The following POLQ variants were observed in gnomAD, a reference collection of about 807,000 sequenced individuals.
POLQ encodes epididymis secretory sperm binding protein.
Under a neutral mutation model 259.2 loss-of-function variants are expected in POLQ, and 233 were observed. The ratio of observed to expected loss-of-function variants is 0.90; its 90% CI spans 0.81 to 1.00. The LOEUF is 1.00. POLQ is among the 50% of genes least tolerant of loss of function. The pLI is 0.00. For synonymous variants in POLQ, 1,025 were observed against 1,048.8 expected (o/e 0.98, Z 0.44); for missense variants, 2,871 against 3,051.6 (o/e 0.94, Z 1.39).
intron 15 of POLQ, among the ~76,000 whole-genome samples, chr3:121,492,231 T>A (rs2048074327): frequency 1.3e-5 from 2 of 152,168 alleles, no homozygotes. Context: ...TAAAACAAAT[T>A]GTTTAATACC....
chr3:121,442,233 C>A (rs1299572088), intron 26 of POLQ, among the ~76,000 whole-genome samples: 1 of 152,110 alleles, frequency 6.6e-6, no homozygotes, highest in African/African-American at 2.4e-5. Flanking sequence ...GCATGCAATG[C>A]ATAATAATCA....
intron 6 of POLQ, among the ~76,000 whole-genome samples, chr3:121,532,033 C>G (rs2048415110): frequency 1.3e-5 from 2 of 152,150 alleles, no homozygotes; most frequent in Non-Finnish European, 2.9e-5. Flanking sequence ...TGAGTCAGTT[C>G]TTTAACCTCA....
At position 121,466,024 on chromosome 3, in the gene POLQ, T is replaced by G. The variant is rs1301972157; in HGVS notation, c.6967+1495A>C. Among the ~76,000 whole-genome samples the G allele has an allele frequency of 2.6e-5, 4 of 152,130 alleles. No homozygotes were observed. In the East Asian group the frequency reaches 7.7e-4, roughly 29 times the overall value. On this transcript the variant is annotated intron_variant, in intron 24 of 29. Coordinates refer to ENST00000264233, the MANE Select transcript of POLQ (RefSeq NM_199420.4). Reference sequence around the variant, plus strand: ...GCCATACAGTTAGCCAAGTTGTGAATGCAAAGGAAAAGTTCTTGAAGGAAA... The same window carrying G: ...GCCATACAGTTAGCCAAGTTGTGAAGGCAAAGGAAAAGTTCTTGAAGGAAA...
chr3:121,543,405 C>T (rs1217799452), intron 2 of POLQ, among the ~76,000 whole-genome samples: 1 of 152,224 alleles, frequency 6.6e-6, no homozygotes, highest in Admixed American at 6.5e-5. Flanking sequence ...CCGAGGCACA[C>T]ATACTCACAA....
intron 28 of POLQ, among the ~76,000 whole-genome samples, chr3:121,435,055 T>C (rs560676402): frequency 1.2e-4 from 18 of 152,214 alleles, no homozygotes; most frequent in African/African-American, 4.1e-4. Flanking sequence ...TCCCAGCTAC[T>C]CAGGAAGCTG....
intron 7 of POLQ, among the ~76,000 whole-genome samples, chr3:121,526,994 C>A (rs2048378292): frequency 1.3e-5 from 2 of 152,116 alleles, no homozygotes; most frequent in Non-Finnish European, 2.9e-5. Context: ...CCCTTTACCT[C>A]CCAGGCTCAA....
chr3:121,511,568 G>T (rs1463588381), intron 10 of POLQ, among the ~76,000 whole-genome samples: 2 of 152,032 alleles, frequency 1.3e-5, no homozygotes, highest in Non-Finnish European at 2.9e-5. Flanking sequence ...TCACCTGAAG[G>T]CTGGTTCAAG....
At chr3:121,506,087 A>G (rs1014276953) in intron 12 of POLQ, among the ~76,000 whole-genome samples, 2 of 151,802 alleles carry the variant, frequency 1.3e-5, no homozygotes, top group Non-Finnish European at 2.9e-5. Context: ...AATGTGGGTG[A>G]ATTCCTTAAT....
rs552322273 is a variant in POLQ, at chr3:121,499,388, G to A, written c.1960-718C>T. Among the ~76,000 whole-genome samples the A allele has an allele frequency of 3.3e-5, 5 of 152,054 alleles. No individual in the cohort carries two copies. The East Asian group carries it at 9.7e-4, about 29-fold the overall frequency. ...CCAAGTCAGCCTCCCAAGTAGCTGG[G>A]GCTACAAGGTGAGTGCCACCACGTC... On this transcript the variant is annotated intron_variant, in intron 12 of 29. Transcript: ENST00000264233.
rs571794703 is a variant in POLQ, at chr3:121,511,809, G to C, written c.1611+78C>G. 24 of 1,116,554 alleles carry C rather than the reference G, an allele frequency of 2.1e-5. No homozygotes were observed. In the Admixed American group the frequency reaches 5.4e-4, roughly 25 times the overall value. The allele number at this position is 1,116,554 out of a possible 1,614,324, so 69.2% of individuals were successfully genotyped here. On this transcript the variant is annotated intron_variant, in intron 10 of 29. Coordinates refer to ENST00000264233, the MANE Select transcript of POLQ (RefSeq NM_199420.4). ...AAATTAAAAAAAATAAATAAATAAA[G>C]CTAAGATTTTCATATACTAACATTT...
At chr3:121,455,569 A>G (rs2047727475) in intron 25 of POLQ, among the ~76,000 whole-genome samples, 1 of 152,178 alleles carries the variant, frequency 6.6e-6, no homozygotes, top group African/African-American at 2.4e-5. Context: ...CCGATCCCAC[A>G]GAAATACAAA....
intron 24 of POLQ, among the ~76,000 whole-genome samples, chr3:121,461,070 A>T (rs1420731690): frequency 6.6e-6 from 1 of 152,222 alleles, no homozygotes; most frequent in East Asian, 1.9e-4. Flanking sequence ...GAGAAATAAA[A>T]AATCTATGGC....
intron 25 of POLQ, among the ~76,000 whole-genome samples, chr3:121,459,520 T>C (rs1302833675): frequency 6.6e-6 from 1 of 152,012 alleles, no homozygotes; most frequent in African/African-American, 2.4e-5. Flanking sequence ...TAGCTGGGAC[T>C]ACAGGCACCC....
At chr3:121,509,140 T>G (rs2048232622) in intron 12 of POLQ, among the ~76,000 whole-genome samples, 1 of 152,188 alleles carries the variant, frequency 6.6e-6, no homozygotes. Context: ...GCTTTCCTCT[T>G]TCTTTTAGTT....
At position 121,489,100 on chromosome 3, in the gene POLQ, T is replaced by G. The variant is rs200189836; in HGVS notation, c.3831A>C (p.Lys1277Asn). The G allele has an allele frequency of 8.9e-5, 143 of 1,613,924 alleles. No homozygotes were observed. The highest frequency in any genetic ancestry group is 2.2e-4 in the Admixed American group (13 of 60,024). ...EVLPSAGAFS[K>N]SEGQHENFLN... is the part of the protein sequence containing the mutation. ...GAAAATTCTCATGCTGGCCTTCTGA[T>G]TTGCTAAATGCTCCAGCTGATGGAA... The change falls in exon 16 of 30, where the codon AAA (lysine) becomes AAC (asparagine). Residue 1277 changes from lysine to asparagine, a missense_variant. By Grantham distance (94) the Lys-to-Asn change is moderately conservative (BLOSUM62 0). Around this residue, in one of 3 missense-constraint regions of POLQ, gnomAD observed 2,080 missense variants for 2,126.0 expected, o/e 0.98. Coordinates refer to ENST00000264233, the MANE Select transcript of POLQ (RefSeq NM_199420.4).
rs781383207 is a variant in POLQ, at chr3:121,510,206, A to G, written c.1649T>C (p.Met550Thr). 1.2e-6 allele frequency: 2 copies of G among 1,613,496 alleles called. No homozygotes were observed. Among genetic ancestry groups the G allele is most frequent in the South Asian group, 1.1e-5 (1 of 91,066 alleles). Residue 550 changes from methionine to threonine, a missense_variant, in exon 11 of 30, where the codon ATG (methionine) becomes ACG (threonine). Transcript: ENST00000264233. Reference sequence around the variant, plus strand: ...AAATGTGCAGGCAGCATAAGTATGCATATCTTGTGATGTACTTGCCACTCC... The same window carrying G: ...AAATGTGCAGGCAGCATAAGTATGCGTATCTTGTGATGTACTTGCCACTCC... ...VGGVASTSQD[M>T]HTYAACTFLA...
At chr3:121,476,255 A>G (rs543884115) in intron 20 of POLQ, among the ~76,000 whole-genome samples, 1 of 152,292 alleles carries the variant, frequency 6.6e-6, no homozygotes, top group African/African-American at 2.4e-5. Context: ...TCATTTCTTC[A>G]ACAAATACTT....
intron 28 of POLQ, 127 bp downstream of exon 28, chr3:121,435,995 A>C (rs1250762269): frequency 7.2e-6 from 5 of 698,180 alleles, no homozygotes; most frequent in Admixed American, 2.8e-5. Flanking sequence ...TTCTAATAGT[A>C]TAAAGACATC....
At chr3:121,502,996 T>A (rs1229369572) in intron 12 of POLQ, among the ~76,000 whole-genome samples, 1 of 152,160 alleles carries the variant, frequency 6.6e-6, no homozygotes, top group African/African-American at 2.4e-5. Context: ...TGTTATAGTG[T>A]TTTGTGCTGC....
Sources: allele counts gnomAD v4.1 joint callset (sites outside exome capture counted in the v4.1 genomes callset), GRCh38; gene constraint gnomAD v4.1.1; regional missense constraint gnomAD v4.1.1; transcripts MANE v1.5; gene names NCBI Gene and HGNC (gene_info 2026-07-23, HGNC 2026-07-21).